Variants in DHRS7 observed in about 807,000 individuals in gnomAD.
The protein encoded by DHRS7 is dehydrogenase/reductase 7.
Under a neutral mutation model 38.9 loss-of-function variants are expected in DHRS7, and 34 were observed. That is an observed-to-expected ratio of 0.87 (90% CI 0.66 to 1.16). DHRS7 has a LOEUF of 1.16. Among genes scored for constraint, DHRS7 ranks in the 50% most tolerant of loss-of-function variants. The probability of loss-of-function intolerance (pLI) is 0.00; values close to 1 mark genes in which losing one functional copy is unlikely to be tolerated. For missense variants in DHRS7, 421 were observed against 407.0 expected, an observed-to-expected ratio of 1.03 and a Z score of -0.30; for synonymous variants, 158 against 153.1, an observed-to-expected ratio of 1.03 and a Z score of -0.24.
Position 60,156,037 on chromosome 14 carries a change from T to C in DHRS7, c.249A>G (p.Arg83=), listed in dbSNP as rs34345529. The C allele has an allele frequency of 5.5e-5, 88 of 1,596,376 alleles. No homozygotes were observed. The highest frequency in any genetic ancestry group is 7.3e-5 in the Non-Finnish European group (85 of 1,171,832). ...LGVSLVLSAR[R]VHELERVKRR... Reference sequence around the variant, plus strand: ...TTTTCACCCTTTCCAGCTCATGCACTCTTCTGGCTGACAGCACAAGAGAAA... The same window carrying C: ...TTTTCACCCTTTCCAGCTCATGCACCCTTCTGGCTGACAGCACAAGAGAAA... The change falls in exon 2 of 7, where the codon AGA becomes AGG. Residue 83 remains arginine, a synonymous_variant. Coordinates refer to ENST00000557185, the MANE Select transcript of DHRS7 (RefSeq NM_016029.4).
chr14:60,165,484 C>CG, upstream of DHRS7: 1 of 1,332,290 alleles, frequency 7.5e-7, no homozygotes, highest in East Asian at 3.2e-5. The surrounding 1 kb of genome is among the most constrained non-coding windows in gnomAD (Gnocchi z 4.6). Context: ...GCTCAGCACT[C>CG]GCGGCCCCAC....
upstream of DHRS7, chr14:60,169,025 G>C: frequency 4.0e-6 from 1 of 253,148 alleles, no homozygotes; most frequent in African/African-American, 2.2e-5. Context: ...AGACTGCCTG[G>C]AAGGCAGAAG....
intron 1 of DHRS7, among the ~76,000 whole-genome samples, chr14:60,158,489 ATTTACT>A (rs1896702547): frequency 6.6e-6 from 1 of 151,694 alleles, no homozygotes; most frequent in African/African-American, 2.4e-5. Flanking sequence ...GAAACACAGG[ATTTACT>A]AACTAGTGTC....
At position 60,145,193 on chromosome 14, in the gene DHRS7, C is replaced by A; in HGVS notation, c.973-180G>T. 2.1e-6 allele frequency: 1 copy of A among 465,778 alleles called. No homozygotes were observed. The highest frequency in any genetic ancestry group is 3.7e-6 in the Non-Finnish European group (1 of 269,934). The allele number at this position is 465,778 out of a possible 1,614,324, so 28.9% of individuals were successfully genotyped here. On this transcript the variant is annotated intron_variant, in intron 6 of 6. Transcript: ENST00000557185. The surrounding 1 kb of genome is among the most constrained non-coding windows in gnomAD (Gnocchi z 4.0). The stretch of plus-strand genomic sequence containing the variant: ...AATCATAGCCAAAATTCTAGATGTA[C>A]ACAAAAGTACTTCTAATGAGTTTAG...
At chr14:60,160,482 A>G (rs1175899428) in intron 1 of DHRS7, among the ~76,000 whole-genome samples, 1 of 151,994 alleles carries the variant, frequency 6.6e-6, no homozygotes, top group Admixed American at 6.6e-5. Context: ...ACTAGTAACC[A>G]ACTCCAAATA....
Position 60,145,155 on chromosome 14 carries a change from A to G in DHRS7, c.973-142T>C. On this transcript the variant is annotated intron_variant, in intron 6 of 6. Transcript: ENST00000557185. This position sits in a 1 kb window ranked among gnomAD's most constrained non-coding sequence, Gnocchi z 4.0. The stretch of plus-strand genomic sequence containing the variant: ...TTACAAAAGTTCAGAAACTGCTTAA[A>G]TTAGAATTTAAAAATCATAGCCAAA... 1 of 556,956 alleles carries G rather than the reference A, an allele frequency of 1.8e-6. No individual in the cohort carries two copies. The highest frequency in any genetic ancestry group is 3.0e-6 in the Non-Finnish European group (1 of 338,530). 34.5% of individuals were successfully genotyped at this position (556,956 alleles called of 1,614,324 possible). A position where few individuals can be genotyped will look rare whatever the true frequency, so the allele number is the denominator to read the frequency against.
chr14:60,165,531 C>T, upstream of DHRS7: 3 of 1,274,346 alleles, frequency 2.4e-6, no homozygotes, highest in Non-Finnish European at 3.0e-6. This position sits in a 1 kb window ranked among gnomAD's most constrained non-coding sequence, Gnocchi z 4.6. Flanking sequence ...TCATGCGGCA[C>T]ACCCGGCGGG....
chr14:60,166,107 C>T (rs1174797799), upstream of DHRS7: 2 of 505,148 alleles, frequency 4.0e-6, no homozygotes, highest in Middle Eastern at 1.0e-3. Flanking sequence ...AAGGTCTTGC[C>T]TACTCTAATA....
At chr14:60,150,537 A>G (rs1258837290) in intron 4 of DHRS7, among the ~76,000 whole-genome samples, 1 of 152,046 alleles carries the variant, frequency 6.6e-6, no homozygotes, top group Non-Finnish European at 1.5e-5. Flanking sequence ...TCATTGTTCA[A>G]TTCCCACCTA....
chr14:60,165,965 A>G (rs891369631), upstream of DHRS7, among the ~76,000 whole-genome samples: 2 of 152,220 alleles, frequency 1.3e-5, no homozygotes, highest in Non-Finnish European at 2.9e-5. This position sits in a 1 kb window ranked among gnomAD's most constrained non-coding sequence, Gnocchi z 4.6. Flanking sequence ...GATTCTGACC[A>G]CACACAAATT....
rs1228226655 is a variant in DHRS7 at position 60,144,794 on chromosome 14, T to C, written c.*172A>G. The C allele has an allele frequency of 1.6e-5, 10 of 625,296 alleles. No individual in the cohort carries two copies. Among genetic ancestry groups the C allele is most frequent in the South Asian group, 2.1e-5 (1 of 47,876 alleles). 38.7% of individuals were successfully genotyped at this position (625,296 alleles called of 1,614,324 possible). A position where few individuals can be genotyped will look rare whatever the true frequency, so the allele number is the denominator to read the frequency against. ...GTTAATACCTTTTTTGCAAGATTCA[T>C]GGCAATCTTTTATTATTTATTTTTT... On this transcript the variant is annotated 3_prime_UTR_variant, in exon 7 of 7. Coordinates refer to ENST00000557185, the MANE Select transcript of DHRS7 (RefSeq NM_016029.4).
chr14:60,149,098 G>A (rs952992117), intron 6 of DHRS7: 5 of 445,290 alleles, frequency 1.1e-5, no homozygotes, highest in East Asian at 9.3e-5. Flanking sequence ...TCAGCCTCCC[G>A]AGTAGCTGGG....
upstream of DHRS7, chr14:60,168,937 G>A: frequency 1.6e-6 from 1 of 609,014 alleles, no homozygotes; most frequent in Non-Finnish European, 2.6e-6. Flanking sequence ...TGGAGAACCT[G>A]GGACTCAAAT....
intron 6 of DHRS7, chr14:60,147,928 G>C (rs1364993188): frequency 6.6e-6 from 1 of 152,154 alleles, no homozygotes; most frequent in Non-Finnish European, 1.5e-5. Context: ...TTAAAACTCA[G>C]GTATACTCTT....
Position 60,150,135 on chromosome 14 carries a change from A to T in DHRS7, c.686T>A (p.Val229Asp), listed in dbSNP as rs141458609. Residue 229 changes from valine to aspartate, a missense_variant, in exon 5 of 7, where the codon GTT becomes GAT. Physicochemically the swap from Val to Asp is radical, Grantham distance 152. Transcript: ENST00000557185. ...TELATYPGII[V>D]SNICPGPVQS... ...CACAGGTCCTGGGCAAATGTTAGAA[A>T]CTATTATACCTGGGTATGTGGCAAG... The T allele has an allele frequency of 8.1e-6, 13 of 1,607,314 alleles. No homozygotes were observed. The highest frequency in any genetic ancestry group is 1.1e-5 in the Non-Finnish European group (13 of 1,177,702).
chr14:60,146,096 T>C lies in DHRS7; in HGVS notation c.973-1083A>G, dbSNP rs1454598286. 2 of 150,912 alleles carry C rather than the reference T, an allele frequency of 1.3e-5. No individual in the cohort carries two copies. Among genetic ancestry groups the C allele is most frequent in the East Asian group, 3.9e-4 (2 of 5,168 alleles). The allele number at this position is 150,912 out of a possible 1,614,324, so 9.3% of individuals were successfully genotyped here. A position where few individuals can be genotyped will look rare whatever the true frequency, so the allele number is the denominator to read the frequency against. ...CTATAAAGAATGAGGTATTATGTCC[T>C]AAAAATTGCTTTGAGAAATGACAGA... On this transcript the variant is annotated intron_variant, in intron 6 of 6. Coordinates refer to ENST00000557185, the MANE Select transcript of DHRS7 (RefSeq NM_016029.4). This position sits in a 1 kb window ranked among gnomAD's most constrained non-coding sequence, Gnocchi z 4.9.
chr14:60,168,833 C>G (rs1424977697), upstream of DHRS7: 1 of 1,445,232 alleles, frequency 6.9e-7, no homozygotes, highest in Non-Finnish European at 9.3e-7. Context: ...TAATTTCACT[C>G]TTCATAAACC....
At chr14:60,159,125 G>T in intron 1 of DHRS7, 1 of 413,568 alleles carries the variant, frequency 2.4e-6, no homozygotes. Flanking sequence ...AAATCATTTG[G>T]AATTGGAGGG....
In DHRS7 at chr14:60,153,825, G is replaced by C. The variant is rs938072769; in HGVS notation, c.393+134C>G. ...AATGACAAAGGCTCAGAGATTAAGG[G>C]GCCCAACTCATGGGCCCGATCTCAC... On this transcript the variant is annotated intron_variant, in intron 3 of 6. Transcript: ENST00000557185. The surrounding 1 kb of genome is among the most constrained non-coding windows in gnomAD (Gnocchi z 4.4). The C allele has an allele frequency of 4.9e-5, 32 of 647,658 alleles. 1 individual carries two copies. The East Asian group carries it at 6.2e-4, about 13-fold the overall frequency. 40.1% of individuals were successfully genotyped at this position (647,658 alleles called of 1,614,324 possible).
Sources: gnomAD v4.1 joint callset for allele counts (sites outside exome capture counted in the v4.1 genomes callset) on GRCh38, gnomAD v4.1.1 for gene constraint, Gnocchi (gnomAD v3.1) non-coding constraint, MANE v1.5 for transcripts, NCBI Gene and HGNC (gene_info 2026-07-23, HGNC 2026-07-21) for gene names.